Variants in KMT2C observed in about 807,000 individuals in gnomAD.
The protein encoded by KMT2C is lysine methyltransferase 2C, also known as histone-lysine N-methyltransferase 2C.
A neutral mutation model predicts 507.9 loss-of-function variants in KMT2C; 88 were observed. The ratio of observed to expected loss-of-function variants is 0.17; its 90% CI spans 0.15 to 0.21. KMT2C has a LOEUF of 0.21. Among genes scored for constraint, KMT2C ranks in the 10% least tolerant of loss-of-function variants. The pLI is 1.00. For synonymous variants in KMT2C, 2,049 were observed against 2,080.8 expected (o/e 0.98, Z 0.42); for missense variants, 4,954 against 5,957.8 (o/e 0.83, Z 5.55).
At chr7:152,368,439 G>A (rs1269512669) in intron 1 of KMT2C, 2 of 1,168,076 alleles carry the variant, frequency 1.7e-6, no homozygotes, top group Non-Finnish European at 2.5e-6. Context: ...TGTTAGAGAT[G>A]AAGGTCAAAT....
intron 6 of KMT2C, among the ~76,000 whole-genome samples, chr7:152,298,270 A>T (rs1237407037): frequency 6.6e-6 from 1 of 152,078 alleles, no homozygotes; most frequent in Non-Finnish European, 1.5e-5. Context: ...TTCTAGCCAT[A>T]AAAAGACCTA....
chr7:152,307,278 A>AAGGAAGGAAGGAAGGAAGGAAGG (rs2096628579), intron 6 of KMT2C, among the ~76,000 whole-genome samples: 1 of 107,390 alleles, frequency 9.3e-6, no homozygotes, highest in African/African-American at 4.4e-5. Context: ...AGGAAGAAAG[A>AAGGAAGGAAGGAAGGAAGGAAGG]AAGGAAGGAA....
In KMT2C at chr7:152,177,212, G is replaced by A. The variant is rs1191115629; in HGVS notation, c.8241C>T (p.Asp2747=). The change falls in exon 38 of 59, where the codon GAC becomes GAT. Residue 2747 remains aspartate, a synonymous_variant. Coordinates refer to ENST00000262189, the MANE Select transcript of KMT2C (RefSeq NM_170606.3). Reference sequence around the variant, plus strand: ...TATCAAACTCTCCTGACCTTAAGAGGTCATCCAGGTTGGGATCATTAGTTT... The same window carrying A: ...TATCAAACTCTCCTGACCTTAAGAGATCATCCAGGTTGGGATCATTAGTTT... ...NLETNDPNLD[D]LLRSGEFDII... The A allele has an allele frequency of 1.2e-6, 2 of 1,613,788 alleles. No individual in the cohort carries two copies. The highest frequency in any genetic ancestry group is 2.2e-5 in the South Asian group (2 of 91,060).
At chr7:152,143,062 T>TA (rs904934651) in intron 55 of KMT2C, among the ~76,000 whole-genome samples, 1 of 152,114 alleles carries the variant, frequency 6.6e-6, no homozygotes, top group African/African-American at 2.4e-5. Context: ...AAAATCACAG[T>TA]AAAAGCACAC....
At chr7:152,218,669 A>T (rs1588310059) in intron 23 of KMT2C, among the ~76,000 whole-genome samples, 2 of 152,160 alleles carry the variant, frequency 1.3e-5, no homozygotes, top group East Asian at 3.9e-4. Flanking sequence ...TATTAAGCAC[A>T]AACTACTGAC....
At chr7:152,250,451 T>G (rs929494142) in intron 12 of KMT2C, among the ~76,000 whole-genome samples, 5 of 152,168 alleles carry the variant, frequency 3.3e-5, no homozygotes, top group African/African-American at 1.2e-4. Flanking sequence ...TACAAAAAGC[T>G]TAATTGAAAC....
chr7:152,263,181 G>C, intron 8 of KMT2C, 51 bp from the exon 9 acceptor site: 1 of 1,427,590 alleles, frequency 7.0e-7, no homozygotes, highest in African/African-American at 1.4e-5. Flanking sequence ...CTTATGTTTT[G>C]TAACATAAGT....
intron 23 of KMT2C, among the ~76,000 whole-genome samples, chr7:152,210,446 T>TA (rs1262573784): frequency 4.6e-5 from 7 of 152,240 alleles, no homozygotes; most frequent in African/African-American, 1.7e-4. Flanking sequence ...CTATGGTCTA[T>TA]AACAAGCTTG....
intron 38 of KMT2C, among the ~76,000 whole-genome samples, chr7:152,175,550 G>A (rs1027294587): frequency 6.7e-6 from 1 of 148,264 alleles, no homozygotes; most frequent in Middle Eastern, 3.4e-3. Context: ...TCCCACTTAT[G>A]AGTGAGAACA....
intron 1 of KMT2C, among the ~76,000 whole-genome samples, chr7:152,426,250 T>C (rs2097817828): frequency 1.3e-5 from 2 of 148,458 alleles, no homozygotes; most frequent in Non-Finnish European, 3.0e-5. Context: ...TTTTTTTTTT[T>C]TTTGGGAGAT....
At chr7:152,147,158 C>CT (rs35312668) in intron 52 of KMT2C, among the ~76,000 whole-genome samples, 222 of 146,562 alleles carry the variant, frequency 1.5e-3, no homozygotes, top group African/African-American at 4.9e-3. Flanking sequence ...TATTTTCAGA[C>CT]TTTTTTTTTT....
chr7:152,374,689 A>G (rs544432657), intron 1 of KMT2C, among the ~76,000 whole-genome samples: 34 of 152,168 alleles, frequency 2.2e-4, no homozygotes, highest in African/African-American at 7.2e-4. Flanking sequence ...ACTTAAGGTC[A>G]GGAGTTCCAG....
In KMT2C at chr7:152,252,222, G is replaced by A; in HGVS notation, c.1470-132C>T. ...TGAGAGGAGAGAGGTTAGAGGAGTT[G>A]CTAACTGACAAAGGTTTTTTAAAGC... On this transcript the variant is annotated intron_variant, in intron 10 of 58. Transcript: ENST00000262189. 6.2e-6 allele frequency: 4 copies of A among 647,160 alleles called. 1 individual carries two copies. The South Asian group carries it at 8.1e-5, about 13-fold the overall frequency. The allele number at this position is 647,160 out of a possible 1,614,324, so 40.1% of individuals were successfully genotyped here. A position where few individuals can be genotyped will look rare whatever the true frequency, so the allele number is the denominator to read the frequency against.
chr7:152,334,072 C>A (rs2129214365), intron 2 of KMT2C, among the ~76,000 whole-genome samples: 1 of 151,846 alleles, frequency 6.6e-6, no homozygotes, highest in East Asian at 1.9e-4. Flanking sequence ...AAAATAAATA[C>A]AATTTGAATC....
intron 1 of KMT2C, among the ~76,000 whole-genome samples, chr7:152,414,919 G>A (rs1231074254): frequency 2.6e-5 from 4 of 151,552 alleles, no homozygotes; most frequent in Non-Finnish European, 1.5e-5. Context: ...CATGATCACA[G>A]CTCACTACAG....
At position 152,152,957 on chromosome 7, in the gene KMT2C, A is replaced by G. The variant is rs763348690; in HGVS notation, c.12277-3T>C. The stretch of plus-strand genomic sequence containing the variant: ...GCAGCCACAACACTGCTAATGTTCT[A>G]AAACCAAATGCAAATGCTGTATTAT... On this transcript the variant is annotated splice_polypyrimidine_tract_variant and splice_region_variant and intron_variant, in intron 48 of 58. Coordinates refer to ENST00000262189, the MANE Select transcript of KMT2C (RefSeq NM_170606.3). The G allele has an allele frequency of 7.4e-6, 12 of 1,613,562 alleles. No homozygotes were observed. In the East Asian group the frequency reaches 2.5e-4, roughly 33 times the overall value.
At chr7:152,323,860 G>A (rs1030422286) in intron 3 of KMT2C, among the ~76,000 whole-genome samples, 1 of 151,024 alleles carries the variant, frequency 6.6e-6, no homozygotes, top group Non-Finnish European at 1.5e-5. Context: ...GAGAGAAGCG[G>A]GAGGGACCTG....
At chr7:152,356,299 G>A (rs774498836) in intron 2 of KMT2C, among the ~76,000 whole-genome samples, 3 of 152,192 alleles carry the variant, frequency 2.0e-5, no homozygotes, top group Admixed American at 1.3e-4. Flanking sequence ...AAAGGGCCGG[G>A]CATAGTGGCT....
At position 152,194,474 on chromosome 7, in the gene KMT2C, G is replaced by A. The variant is rs1258082395; in HGVS notation, c.4473C>T (p.Ile1491=). 3 of 1,613,406 alleles carry A rather than the reference G, an allele frequency of 1.9e-6. No individual in the cohort carries two copies. Among genetic ancestry groups the A allele is most frequent in the African/African-American group, 2.7e-5 (2 of 74,910 alleles). The part of the protein sequence containing the change: ...RPLSEEQLDG[I]LSPELDKMVT... ...CCATTTTGTCTAGTTCAGGACTGAG[G>A]ATCCCATCTAGCTGTTCTTCACTTA... is the stretch of plus-strand genomic sequence containing the variant. The change falls in exon 29 of 59, where the codon ATC becomes ATT. Residue 1491 remains isoleucine (I), a synonymous_variant. Transcript: ENST00000262189.
Sources: allele counts gnomAD v4.1 joint callset (sites outside exome capture counted in the v4.1 genomes callset), GRCh38; gene constraint gnomAD v4.1.1; transcripts MANE v1.5; gene names NCBI Gene and HGNC (gene_info 2026-07-23, HGNC 2026-07-21).